The following SCFD1 variants were observed in gnomAD, a reference collection of about 807,000 sequenced individuals.
The protein encoded by SCFD1 is sec1 family domain-containing protein 1.
A neutral mutation model predicts 103.2 loss-of-function variants in SCFD1; 37 were observed. The observed-to-expected ratio is 0.36, with a 90% CI of 0.28 to 0.47. The LOEUF is 0.47. Among genes scored for constraint, SCFD1 ranks in the 20% least tolerant of loss-of-function variants. The probability of loss-of-function intolerance (pLI) is 1.00; values close to 1 mark genes in which losing one functional copy is unlikely to be tolerated. For missense variants in SCFD1, 639 were observed against 761.2 expected (o/e 0.84, Z 1.89); for synonymous variants, 264 against 245.0 (o/e 1.08, Z -0.73).
At chr14:30,733,695 GT>G (rs1893641284) in intron 23 of SCFD1, among the ~76,000 whole-genome samples, 1 of 152,204 alleles carries the variant, frequency 6.6e-6, no homozygotes, top group Admixed American at 6.5e-5. Flanking sequence ...TGCCAGCATT[GT>G]TTAATAGAAA....
intron 7 of SCFD1, chr14:30,644,072 T>C (rs1885562587): frequency 6.7e-6 from 3 of 445,126 alleles, no homozygotes; most frequent in East Asian, 7.1e-5. Context: ...TTTGTTTAGC[T>C]CCCACTTACA....
chr14:30,639,999 G>T, intron 6 of SCFD1, 135 bp downstream of exon 6: 7 of 1,029,004 alleles, frequency 6.8e-6, no homozygotes, highest in Non-Finnish European at 7.9e-6. Flanking sequence ...CTTTTTAAAA[G>T]CACACAGAGA....
chr14:30,695,721 A>G (rs1890649807), intron 15 of SCFD1, among the ~76,000 whole-genome samples: 1 of 151,988 alleles, frequency 6.6e-6, no homozygotes, highest in Non-Finnish European at 1.5e-5. Flanking sequence ...AAATGAAGAA[A>G]GTTAGCCAGG....
chr14:30,644,138 A>G, intron 7 of SCFD1: 1 of 337,222 alleles, frequency 3.0e-6, no homozygotes. Context: ...TAGAATAATG[A>G]CCTCCAGCTA....
chr14:30,684,805 T>TTTC (rs1555355747), intron 14 of SCFD1, among the ~76,000 whole-genome samples: 4 of 136,840 alleles, frequency 2.9e-5, no homozygotes, highest in Non-Finnish European at 6.3e-5. Context: ...AATTGTTTCT[T>TTTC]TTTTTTTTTT....
At chr14:30,623,762 T>C (rs533087210) in intron 1 of SCFD1, among the ~76,000 whole-genome samples, 4 of 152,352 alleles carry the variant, frequency 2.6e-5, no homozygotes, top group Non-Finnish European at 5.9e-5. Flanking sequence ...TTTTACAGAA[T>C]TACTAGGTAG....
intron 10 of SCFD1, among the ~76,000 whole-genome samples, chr14:30,655,847 G>A (rs1285159674): frequency 3.3e-5 from 5 of 152,176 alleles, no homozygotes; most frequent in Non-Finnish European, 7.3e-5. Context: ...TGAGATGCCG[G>A]CCAGGCATGG....
At chr14:30,682,492 G>C (rs965509688) in intron 14 of SCFD1, among the ~76,000 whole-genome samples, 1 of 152,140 alleles carries the variant, frequency 6.6e-6, no homozygotes, top group Non-Finnish European at 1.5e-5. Context: ...GGTATGAATT[G>C]CAACAAAATG....
intron 3 of SCFD1, chr14:30,630,848 G>C (rs972218924): frequency 2.3e-5 from 7 of 299,828 alleles, no homozygotes; most frequent in Admixed American, 4.9e-5. Flanking sequence ...AAAGTGTTTT[G>C]TTCCTTTAAT....
At chr14:30,726,175 A>G (rs1893030921) in intron 23 of SCFD1, among the ~76,000 whole-genome samples, 1 of 151,976 alleles carries the variant, frequency 6.6e-6, no homozygotes, top group Non-Finnish European at 1.5e-5. Flanking sequence ...AATCATTTGT[A>G]GTTACTGAAG....
At chr14:30,718,251 C>A (rs1892420399) in intron 20 of SCFD1, among the ~76,000 whole-genome samples, 1 of 152,226 alleles carries the variant, frequency 6.6e-6, no homozygotes, top group Non-Finnish European at 1.5e-5. Flanking sequence ...AAACCTACTA[C>A]TGCTATATTC....
chr14:30,695,406 A>C (rs1435246647), intron 15 of SCFD1, among the ~76,000 whole-genome samples: 1 of 152,212 alleles, frequency 6.6e-6, no homozygotes, highest in Admixed American at 6.5e-5. Flanking sequence ...AAGCAAAAGA[A>C]GCCAGGCGCA....
chr14:30,704,112 AT>A (rs1256196548), intron 17 of SCFD1, among the ~76,000 whole-genome samples: 1 of 151,616 alleles, frequency 6.6e-6, no homozygotes, highest in Admixed American at 6.6e-5. Context: ...GAATTTTCTC[AT>A]TGTGGCATCA....
At chr14:30,670,669 C>G (rs1359124468) in intron 11 of SCFD1, among the ~76,000 whole-genome samples, 1 of 151,952 alleles carries the variant, frequency 6.6e-6, no homozygotes, top group Admixed American at 6.6e-5. Context: ...TTGTTGCTGT[C>G]TCCACTGACT....
chr14:30,652,207 T>C (rs1037182136), intron 9 of SCFD1: 1 of 152,192 alleles, frequency 6.6e-6, no homozygotes, highest in African/African-American at 2.4e-5. Context: ...AAACAGATAG[T>C]GATGCCTTTT....
Position 30,735,613 on chromosome 14 carries a change from A to T in SCFD1, c.*4A>T. On this transcript the variant is annotated 3_prime_UTR_variant, in exon 25 of 25. Coordinates refer to ENST00000458591, the MANE Select transcript of SCFD1 (RefSeq NM_016106.4). ...GTCACAACTTGGACAAAAGTAACAC[A>T]GAAGAACCTTACTATGATAATCTAC... 1 of 1,590,362 alleles carries T rather than the reference A, an allele frequency of 6.3e-7. No homozygotes were observed. Among genetic ancestry groups the T allele is most frequent in the East Asian group, 2.3e-5 (1 of 44,254 alleles).
intron 11 of SCFD1, among the ~76,000 whole-genome samples, chr14:30,671,921 C>T (rs888318359): frequency 6.6e-6 from 1 of 151,464 alleles, no homozygotes; most frequent in Non-Finnish European, 1.5e-5. Context: ...ATGATAGTTA[C>T]CTCAACAGAT....
chr14:30,693,525 G>C (rs1401883321), intron 14 of SCFD1, among the ~76,000 whole-genome samples: 1 of 152,096 alleles, frequency 6.6e-6, no homozygotes, highest in Non-Finnish European at 1.5e-5. Context: ...TCACTCCTTA[G>C]TCTACTGTTT....
At position 30,642,758 on chromosome 14, in the gene SCFD1, G is replaced by A. The variant is rs910134113; in HGVS notation, c.524-558G>A. ...GTCAAAAATTTTGTAAGTTTACATC[G>A]TGGGGTTGTTTTTCTTAGTAGTAGT... On this transcript the variant is annotated intron_variant, in intron 6 of 24. Transcript: ENST00000458591. Among the ~76,000 whole-genome samples, 11 of 152,066 alleles carry A rather than the reference G, an allele frequency of 7.2e-5. No homozygotes were observed. In the South Asian group the frequency reaches 1.4e-3, roughly 20 times the overall value.
Sources: gnomAD v4.1 joint callset for allele counts (sites outside exome capture counted in the v4.1 genomes callset) on GRCh38, gnomAD v4.1.1 for gene constraint, MANE v1.5 for transcripts, NCBI Gene and HGNC (gene_info 2026-07-23, HGNC 2026-07-21) for gene names.